DPYD: variants seen among roughly 807,000 people sequenced by gnomAD.
DPYD encodes dihydropyrimidine dehydrogenase [NADP(+)].
In DPYD, 109 loss-of-function variants were observed where a neutral mutation model predicts 116.2. That is an observed-to-expected ratio of 0.94 (90% confidence interval 0.80 to 1.10). The LOEUF is 1.10. DPYD is among the 50% of genes least tolerant of loss of function. The pLI, the probability that DPYD is intolerant of heterozygous loss-of-function variation, is 0.00. For missense variants in DPYD, 1,302 were observed against 1,254.5 expected, an observed-to-expected ratio of 1.04 and a Z score of -0.57; for synonymous variants, 440 against 432.0, an observed-to-expected ratio of 1.02 and a Z score of -0.23.
At chr1:97,281,682 T>C (rs913581279) in intron 18 of DPYD, among the ~76,000 whole-genome samples, 2 of 151,982 alleles carry the variant, frequency 1.3e-5, no homozygotes, top group Non-Finnish European at 2.9e-5. Context: ...GAAAAATAAG[T>C]AAATATACTA....
intron 12 of DPYD, among the ~76,000 whole-genome samples, chr1:97,521,830 T>C (rs1401731143): frequency 1.3e-5 from 2 of 152,170 alleles, no homozygotes; most frequent in Non-Finnish European, 2.9e-5. Context: ...ATTTAATAAA[T>C]GGTGTTGGTA....
At chr1:97,748,533 TG>T (rs1571294353) in intron 3 of DPYD, among the ~76,000 whole-genome samples, 1 of 152,204 alleles carries the variant, frequency 6.6e-6, no homozygotes, top group East Asian at 1.9e-4. Context: ...CACTTGAACC[TG>T]GGAGGCGGAG....
chr1:97,870,160 C>A (rs993810364), intron 2 of DPYD, among the ~76,000 whole-genome samples: 3 of 151,652 alleles, frequency 2.0e-5, no homozygotes, highest in African/African-American at 7.3e-5. Context: ...ATGAAATATT[C>A]TGGGGAATAG....
intron 19 of DPYD, among the ~76,000 whole-genome samples, chr1:97,221,553 T>C (rs751949941): frequency 4.6e-5 from 7 of 152,150 alleles, no homozygotes; most frequent in African/African-American, 1.7e-4. Flanking sequence ...TAATATATTT[T>C]GCTATGGTCT....
intron 2 of DPYD, among the ~76,000 whole-genome samples, chr1:97,834,891 T>C (rs1338270858): frequency 2.0e-5 from 3 of 152,020 alleles, no homozygotes; most frequent in Non-Finnish European, 4.4e-5. Flanking sequence ...AAGTAAGAAA[T>C]AATTACTATA....
intron 16 of DPYD, among the ~76,000 whole-genome samples, chr1:97,324,409 G>A (rs1668605220): frequency 6.6e-6 from 1 of 152,018 alleles, no homozygotes; most frequent in African/African-American, 2.4e-5. Flanking sequence ...TTTTTGCTCA[G>A]GGATACAATA....
At chr1:97,430,219 G>C (rs1675099261) in intron 14 of DPYD, among the ~76,000 whole-genome samples, 1 of 152,092 alleles carries the variant, frequency 6.6e-6, no homozygotes, top group Non-Finnish European at 1.5e-5. Context: ...GAAAATCGCA[G>C]GAGATGTGTA....
chr1:97,313,901 G>A, intron 16 of DPYD, among the ~76,000 whole-genome samples: 1 of 151,936 alleles, frequency 6.6e-6, no homozygotes, highest in East Asian at 1.9e-4. Flanking sequence ...CTAGCAAAGA[G>A]CCTGGTACAT....
chr1:97,119,760 AC>A (rs1452627655), intron 20 of DPYD, among the ~76,000 whole-genome samples: 2 of 152,018 alleles, frequency 1.3e-5, no homozygotes, highest in Non-Finnish European at 2.9e-5. Context: ...AAAACCCTCT[AC>A]CACCTGCCAT....
intron 8 of DPYD, among the ~76,000 whole-genome samples, chr1:97,616,192 T>C (rs934245735): frequency 6.6e-6 from 1 of 152,172 alleles, no homozygotes; most frequent in Non-Finnish European, 1.5e-5. Context: ...TTTGTTCTTC[T>C]CGGCATTCTT....
At chr1:97,164,598 T>C (rs952211004) in intron 20 of DPYD, among the ~76,000 whole-genome samples, 2 of 152,168 alleles carry the variant, frequency 1.3e-5, no homozygotes, top group African/African-American at 2.4e-5. Flanking sequence ...ACAAAATTAA[T>C]GCACAAAAAT....
At position 97,877,107 on chromosome 1, in the gene DPYD, T is replaced by C. The variant is rs188854776; in HGVS notation, c.150+6157A>G. On this transcript the variant is annotated intron_variant, in intron 2 of 22. Coordinates refer to ENST00000370192, the MANE Select transcript of DPYD (RefSeq NM_000110.4). ...ACAAACGAAGCCCTGGGAGAGTAGA[T>C]TGAACCATGAACTTCTCTGAACCCC... Among the ~76,000 whole-genome samples, 661 of 152,154 alleles carry C rather than the reference T, an allele frequency of 4.3e-3. 2 individuals are homozygous for C. The highest frequency in any genetic ancestry group is 6.6e-3 in the Non-Finnish European group (447 of 67,970).
At chr1:97,161,343 C>A (rs959171562) in intron 20 of DPYD, among the ~76,000 whole-genome samples, 2 of 152,086 alleles carry the variant, frequency 1.3e-5, no homozygotes, top group African/African-American at 4.8e-5. Flanking sequence ...TGGGGCAATG[C>A]AACCCATCAT....
intron 14 of DPYD, among the ~76,000 whole-genome samples, chr1:97,421,317 T>C (rs914963555): frequency 1.3e-5 from 2 of 152,262 alleles, no homozygotes; most frequent in Admixed American, 6.5e-5. Flanking sequence ...TCACCAAGGA[T>C]CTTACTTCCA....
At chr1:97,530,221 T>C (rs565520264) in intron 12 of DPYD, among the ~76,000 whole-genome samples, 180 of 116,680 alleles carry the variant, frequency 1.5e-3, no homozygotes, top group Non-Finnish European at 1.2e-3. Context: ...TTTCTTTTTT[T>C]TTTTTTTTTT....
At chr1:97,137,220 C>T (rs1432028138) in intron 20 of DPYD, among the ~76,000 whole-genome samples, 2 of 152,286 alleles carry the variant, frequency 1.3e-5, no homozygotes, top group East Asian at 3.9e-4. Context: ...ACACGGGCCT[C>T]AATGATGCAT....
chr1:97,827,713 G>A (rs1182185239), intron 3 of DPYD, among the ~76,000 whole-genome samples: 2 of 151,998 alleles, frequency 1.3e-5, no homozygotes, highest in Non-Finnish European at 1.5e-5. Flanking sequence ...TATAGAAGAT[G>A]AAAATGTAAG....
chr1:97,433,212 T>C (rs1020631115), intron 14 of DPYD, among the ~76,000 whole-genome samples: 1 of 152,168 alleles, frequency 6.6e-6, no homozygotes, highest in South Asian at 2.1e-4. Flanking sequence ...GAGGAGGCCC[T>C]GCTTGCCTTA....
At chr1:97,547,848 C>G (rs912702583) in intron 12 of DPYD, among the ~76,000 whole-genome samples, 1 of 152,096 alleles carries the variant, frequency 6.6e-6, no homozygotes, top group African/African-American at 2.4e-5. Context: ...TCTGGGACAC[C>G]ACGGTTTGGC....
Sources: allele counts gnomAD v4.1 joint callset (sites outside exome capture counted in the v4.1 genomes callset), GRCh38; gene constraint gnomAD v4.1.1; transcripts MANE v1.5; gene names NCBI Gene and HGNC (gene_info 2026-07-23, HGNC 2026-07-21).